VSIR: variants seen among roughly 807,000 people sequenced by gnomAD.
VSIR encodes V-set immunoregulatory receptor, also known as V-type immunoglobulin domain-containing suppressor of T-cell activation.
Under a neutral mutation model 31.0 loss-of-function variants are expected in VSIR, and 10 were observed. That is an observed-to-expected ratio of 0.32 (90% confidence interval 0.20 to 0.55). VSIR has a LOEUF of 0.55. Ranked by LOEUF, VSIR falls within the 20% of genes least tolerant of loss-of-function variation. VSIR has a pLI of 0.93. For synonymous variants in VSIR, 179 were observed against 180.1 expected, an observed-to-expected ratio of 0.99 and a Z score of 0.05; for missense variants, 356 against 416.2, an observed-to-expected ratio of 0.86 and a Z score of 1.26.
At chr10:71,752,069 T>A in intron 5 of VSIR, 1 of 704,164 alleles carries the variant, frequency 1.4e-6, no homozygotes, top group Non-Finnish European at 2.6e-6. Context: ...GCTGAGGGCA[T>A]CAGGGCCCAC....
rs991934077 is a variant in VSIR at position 71,748,476 on chromosome 10, T to C, written c.*2777A>G. The C allele has an allele frequency of 2.6e-5, 4 of 152,240 alleles. No individual in the cohort carries two copies. Among genetic ancestry groups the C allele is most frequent in the Admixed American group, 2.0e-4 (3 of 15,284 alleles). 9.4% of individuals were successfully genotyped at this position (152,240 alleles called of 1,614,324 possible). A position where few individuals can be genotyped will look rare whatever the true frequency, so the allele number is the denominator to read the frequency against. ...GTCAGCAAAACCCTCCAAATGGTGC[T>C]TTCAATTCCATTCCTTCAGCCTCTC... On this transcript the variant is annotated 3_prime_UTR_variant, in exon 7 of 7. Coordinates refer to ENST00000394957, the MANE Select transcript of VSIR (RefSeq NM_022153.2).
intron 3 of VSIR, among the ~76,000 whole-genome samples, chr10:71,756,913 A>C (rs1840163564): frequency 6.6e-6 from 1 of 152,224 alleles, no homozygotes; most frequent in African/African-American, 2.4e-5. Flanking sequence ...AGGTTTGTTC[A>C]TACTGCAAAT....
At chr10:71,753,268 AT>A (rs1840053525) in intron 4 of VSIR, among the ~76,000 whole-genome samples, 2 of 152,354 alleles carry the variant, frequency 1.3e-5, no homozygotes, top group Non-Finnish European at 2.9e-5. Flanking sequence ...TAAGAACGCT[AT>A]CTGCCATCAG....
At chr10:71,756,602 G>C (rs978315641) in intron 3 of VSIR, among the ~76,000 whole-genome samples, 1 of 152,178 alleles carries the variant, frequency 6.6e-6, no homozygotes, top group Admixed American at 6.5e-5. Context: ...ACGAAGCTTC[G>C]CTGTCCCAAC....
rs769995499 is a variant in VSIR, at chr10:71,761,665, C to T, written c.444G>A (p.Val148=). Residue 148 remains valine (V), a synonymous_variant, in exon 2 of 7, where the codon GTG becomes GTA. Coordinates refer to ENST00000394957, the MANE Select transcript of VSIR (RefSeq NM_022153.2). ...LLDSGLYCCL[V]VEIRHHHSEH... is the part of the protein sequence containing the mutation. Reference sequence around the variant, plus strand: ...CCGAGTGGTGGTGCCTGATCTCCACCACCAGGCAGCAGTAGAGGCCGCTAT... The same window carrying T: ...CCGAGTGGTGGTGCCTGATCTCCACTACCAGGCAGCAGTAGAGGCCGCTAT... 17 of 1,613,382 alleles carry T rather than the reference C, an allele frequency of 1.1e-5. No individual in the cohort carries two copies. Among genetic ancestry groups the T allele is most frequent in the Admixed American group, 1.7e-5 (1 of 59,968 alleles).
At chr10:71,769,149 G>GTTA (rs1424708849) in intron 1 of VSIR, among the ~76,000 whole-genome samples, 2 of 152,164 alleles carry the variant, frequency 1.3e-5, no homozygotes, top group Non-Finnish European at 2.9e-5. Flanking sequence ...TATAGAAGAG[G>GTTA]TTATTCCCTT....
rs186690111 is a variant in VSIR at position 71,756,351 on chromosome 10, C to A, written c.569-885G>T. Reference sequence around the variant, plus strand: ...TTGGACATCTCTCTGTCTCCCCTGCCTCATTCTGCTTAGAGTTTTATCACA... The same window carrying A: ...TTGGACATCTCTCTGTCTCCCCTGCATCATTCTGCTTAGAGTTTTATCACA... On this transcript the variant is annotated intron_variant, in intron 3 of 6. Transcript: ENST00000394957. Among the ~76,000 whole-genome samples the A allele has an allele frequency of 6.0e-4, 91 of 152,312 alleles. No individual in the cohort carries two copies. In the Middle Eastern group the frequency reaches 0.031, roughly 51 times the overall value.
At position 71,750,456 on chromosome 10, in the gene VSIR, G is replaced by A. The variant is rs1294933741; in HGVS notation, c.*797C>T. 3 of 152,342 alleles carry A rather than the reference G, an allele frequency of 2.0e-5. No individual in the cohort carries two copies. Among genetic ancestry groups the A allele is most frequent in the Non-Finnish European group, 4.4e-5 (3 of 68,134 alleles). 9.4% of individuals were successfully genotyped at this position (152,342 alleles called of 1,614,324 possible). The stretch of plus-strand genomic sequence containing the variant: ...AGGGGATGGGGAGGGCGGGGGGCAG[G>A]TGCCCCTCTCCACTCACCTTCCCAG... On this transcript the variant is annotated 3_prime_UTR_variant, in exon 7 of 7. Transcript: ENST00000394957.
At chr10:71,761,290 T>C (rs1471838024) in intron 2 of VSIR, among the ~76,000 whole-genome samples, 2 of 152,144 alleles carry the variant, frequency 1.3e-5, no homozygotes, top group Non-Finnish European at 2.9e-5. Flanking sequence ...CTGATGCCTA[T>C]ACCCACAGCA....
rs10999986 is a variant in VSIR at position 71,758,521 on chromosome 10, C to A, written c.568+2347G>T. Among the ~76,000 whole-genome samples the A allele has an allele frequency of 9.5e-3, 1,452 of 152,284 alleles. 55 individuals are homozygous for A. In the East Asian group the frequency reaches 0.11, roughly 11 times the overall value. ...CAGTGCCCTCTTACCCTGTAGGGCA[C>A]CTCTCTGGCAAGCACCGGGGGGCTA... On this transcript the variant is annotated intron_variant, in intron 3 of 6. Transcript: ENST00000394957.
rs1564779152 is a variant in VSIR at position 71,759,852 on chromosome 10, C to CACACACACACACACATATATAT, written c.568+1015_568+1016insATATATATGTGTGTGTGTGTGT. 1.0e-4 allele frequency among the ~76,000 whole-genome samples: 8 copies of CACACACACACACACATATATAT among 76,980 alleles called. No individual in the cohort carries two copies. The East Asian group carries it at 3.5e-3, about 33-fold the overall frequency. The allele number at this position is 76,980 out of a possible 152,430, so 50.5% of individuals were successfully genotyped here. ...ACACACACACACACACACACATATA[C>CACACACACACACACATATATAT]ACACACACACACATATATATACACA... On this transcript the variant is annotated intron_variant, in intron 3 of 6. Coordinates refer to ENST00000394957, the MANE Select transcript of VSIR (RefSeq NM_022153.2).
At chr10:71,773,087 G>A (rs552682402) in intron 1 of VSIR, among the ~76,000 whole-genome samples, 3 of 150,826 alleles carry the variant, frequency 2.0e-5, no homozygotes, top group East Asian at 3.9e-4. Flanking sequence ...GCAGGGAAGG[G>A]CTGGACAGGC....
intron 3 of VSIR, among the ~76,000 whole-genome samples, chr10:71,758,985 T>G (rs1021475078): frequency 6.6e-6 from 1 of 152,018 alleles, no homozygotes; most frequent in Non-Finnish European, 1.5e-5. Context: ...CTCTCATGTC[T>G]CAGCCTCCCG....
intron 5 of VSIR, 152 bp from the exon 6 acceptor site, chr10:71,752,013 G>T: frequency 1.1e-6 from 1 of 884,222 alleles, no homozygotes; most frequent in Non-Finnish European, 1.8e-6. Context: ...CAGGAGCCAG[G>T]CCCACAGAGC....
At position 71,752,799 on chromosome 10, in the gene VSIR, C is replaced by T. The variant is rs187991087; in HGVS notation, c.704+176G>A. On this transcript the variant is annotated intron_variant, in intron 5 of 6. Coordinates refer to ENST00000394957, the MANE Select transcript of VSIR (RefSeq NM_022153.2). ...AGAATCAGAGCTCAGCCTGCTGAGT[C>T]GGGGTGGCAGGAGAACAGCCAATCT... 1.7e-3 allele frequency among the ~76,000 whole-genome samples: 265 copies of T among 152,234 alleles called. 5 individuals are homozygous for T. The South Asian group carries it at 0.02, about 11-fold the overall frequency.
In VSIR at chr10:71,750,938, G is replaced by A; in HGVS notation, c.*315C>T. ...CCAAGGCTCATGTCTCAGAACGAGA[G>A]CTGCTGAAGGGCTGGACGTTCTGAG... On this transcript the variant is annotated 3_prime_UTR_variant, in exon 7 of 7. Transcript: ENST00000394957. 3.2e-6 allele frequency: 1 copy of A among 307,906 alleles called. No homozygotes were observed. Among genetic ancestry groups the A allele is most frequent in the Non-Finnish European group, 6.0e-6 (1 of 166,626 alleles). 19.1% of individuals were successfully genotyped at this position (307,906 alleles called of 1,614,324 possible).
chr10:71,760,542 G>C, intron 3 of VSIR: 1 of 244,354 alleles, frequency 4.1e-6, no homozygotes, highest in South Asian at 9.6e-5. Context: ...AGCCATAGGG[G>C]GCTGGTGGGC....
Position 71,763,445 on chromosome 10 carries a change from T to C in VSIR, c.83-1419A>G, listed in dbSNP as rs1205962506. The stretch of plus-strand genomic sequence containing the variant: ...AGCCAGGGGCATTGCCCAGAACCAA[T>C]ATAATGCCACATCCTCCTTCAGATG... On this transcript the variant is annotated intron_variant, in intron 1 of 6. Coordinates refer to ENST00000394957, the MANE Select transcript of VSIR (RefSeq NM_022153.2). Among the ~76,000 whole-genome samples, 3 of 152,154 alleles carry C rather than the reference T, an allele frequency of 2.0e-5. No individual in the cohort carries two copies. The East Asian group carries it at 5.8e-4, about 29-fold the overall frequency.
rs1029465633 is a variant in VSIR at position 71,750,797 on chromosome 10, G to A, written c.*456C>T. 1.3e-4 allele frequency: 20 copies of A among 156,562 alleles called. No homozygotes were observed. The highest frequency in any genetic ancestry group is 2.1e-4 in the Non-Finnish European group (15 of 70,894). The allele number at this position is 156,562 out of a possible 1,614,324, so 9.7% of individuals were successfully genotyped here. On this transcript the variant is annotated 3_prime_UTR_variant, in exon 7 of 7. Coordinates refer to ENST00000394957, the MANE Select transcript of VSIR (RefSeq NM_022153.2). Reference sequence around the variant, plus strand: ...GGAAGTCTGACAGAAGAGCAGCCTCGGGCAAAACGGGGGAGCCAAGGCGGC... The same window carrying A: ...GGAAGTCTGACAGAAGAGCAGCCTCAGGCAAAACGGGGGAGCCAAGGCGGC...
Sources: allele counts gnomAD v4.1 joint callset (sites outside exome capture counted in the v4.1 genomes callset), GRCh38; gene constraint gnomAD v4.1.1; transcripts MANE v1.5; gene names NCBI Gene and HGNC (gene_info 2026-07-23, HGNC 2026-07-21).